BBS9: variants seen among roughly 807,000 people sequenced by gnomAD.
BBS9 encodes protein PTHB1.
A neutral mutation model predicts 117.7 loss-of-function variants in BBS9; 89 were observed. The ratio of observed to expected loss-of-function variants is 0.76; its 90% CI spans 0.64 to 0.90. The LOEUF is 0.90. Ranked by LOEUF, BBS9 falls within the 40% of genes least tolerant of loss-of-function variation. The pLI, the probability that BBS9 is intolerant of heterozygous loss-of-function variation, is 0.00. For synonymous variants in BBS9, 379 were observed against 370.9 expected (o/e 1.02, Z -0.25); for missense variants, 982 against 1,042.2 (o/e 0.94, Z 0.80).
At chr7:33,219,856 C>T (rs966684036) in intron 5 of BBS9, among the ~76,000 whole-genome samples, 1 of 152,148 alleles carries the variant, frequency 6.6e-6, no homozygotes, top group Non-Finnish European at 1.5e-5. Flanking sequence ...TGTTCTTTCG[C>T]TCTTTGCAAT....
At chr7:33,130,903 T>A (rs1237197227) in intron 1 of BBS9, among the ~76,000 whole-genome samples, 1 of 152,216 alleles carries the variant, frequency 6.6e-6, no homozygotes, top group African/African-American at 2.4e-5. Flanking sequence ...AACTTCTTGA[T>A]AGAAATGCTC....
chr7:33,610,809 T>C (rs1174973935), downstream of BBS9, among the ~76,000 whole-genome samples: 2 of 152,156 alleles, frequency 1.3e-5, no homozygotes, highest in Non-Finnish European at 2.9e-5. Flanking sequence ...TTTTCATTTT[T>C]AGTAATTAAT....
chr7:33,221,872 A>G (rs1790304013), intron 5 of BBS9, among the ~76,000 whole-genome samples: 1 of 152,010 alleles, frequency 6.6e-6, no homozygotes, highest in South Asian at 2.1e-4. Context: ...AAAATCATAT[A>G]TGTGATATGA....
At chr7:33,270,750 A>T (rs1799656594) in intron 7 of BBS9, among the ~76,000 whole-genome samples, 1 of 152,210 alleles carries the variant, frequency 6.6e-6, no homozygotes. Context: ...CATCCCTGAA[A>T]GAGATGGGGA....
chr7:33,592,800 G>A (rs980628823), intron 21 of BBS9, among the ~76,000 whole-genome samples: 11 of 152,094 alleles, frequency 7.2e-5, no homozygotes, highest in Admixed American at 3.3e-4. Flanking sequence ...GGATCATTGG[G>A]GAATGAATAG....
chr7:33,544,488 T>C (rs1852953657), intron 21 of BBS9, among the ~76,000 whole-genome samples: 2 of 152,214 alleles, frequency 1.3e-5, no homozygotes, highest in African/African-American at 4.8e-5. Context: ...ACCCAGCTAG[T>C]CTACCTGGCT....
chr7:33,526,336 T>C (rs916476604), intron 20 of BBS9, among the ~76,000 whole-genome samples: 59 of 152,318 alleles, frequency 3.9e-4, no homozygotes, highest in Non-Finnish European at 6.8e-4. Flanking sequence ...TAATATCCTG[T>C]AGAGTGTTTT....
At chr7:33,133,367 C>G (rs1264856520) in intron 1 of BBS9, among the ~76,000 whole-genome samples, 1 of 152,118 alleles carries the variant, frequency 6.6e-6, no homozygotes, top group Non-Finnish European at 1.5e-5. Context: ...TTTTTATCAA[C>G]TCAAAAAGAA....
chr7:33,333,204 C>G (rs976082323), intron 9 of BBS9, among the ~76,000 whole-genome samples: 1 of 152,052 alleles, frequency 6.6e-6, no homozygotes, highest in Non-Finnish European at 1.5e-5. Context: ...TGTCCCTCAC[C>G]CCTCTCCCAA....
At chr7:33,590,462 T>TTTTTGTTTTTGTTTG (rs1554551728) in intron 21 of BBS9, among the ~76,000 whole-genome samples, 1 of 145,238 alleles carries the variant, frequency 6.9e-6, no homozygotes, top group African/African-American at 2.6e-5. Flanking sequence ...TTTTTTTGTT[T>TTTTTGTTTTTGTTTG]TTTTTTTTTT....
intron 21 of BBS9, among the ~76,000 whole-genome samples, chr7:33,630,051 T>C (rs2129228440): frequency 7.4e-6 from 1 of 134,774 alleles, no homozygotes. Context: ...ATTGCTACTA[T>C]TTACATTTTT....
intron 7 of BBS9, among the ~76,000 whole-genome samples, chr7:33,265,782 G>T (rs1583973147): frequency 6.6e-6 from 1 of 152,252 alleles, no homozygotes; most frequent in South Asian, 2.1e-4. Context: ...GGCAGAGATT[G>T]CAGTAAGCTG....
In BBS9 at chr7:33,272,031, A is replaced by G. The variant is rs149882882; in HGVS notation, c.703-981A>G. Among the ~76,000 whole-genome samples the G allele has an allele frequency of 3.9e-5, 6 of 152,328 alleles. No homozygotes were observed. The East Asian group carries it at 1.2e-3, about 29-fold the overall frequency. Reference sequence around the variant, plus strand: ...GTAGACTGGATAAAGAAAATGTGGTACATATACACCATGGAATACTATGCA... The same window carrying G: ...GTAGACTGGATAAAGAAAATGTGGTGCATATACACCATGGAATACTATGCA... On this transcript the variant is annotated intron_variant, in intron 7 of 22. Transcript: ENST00000242067.
At chr7:33,348,438 A>C (rs1263394869) in intron 12 of BBS9, among the ~76,000 whole-genome samples, 1 of 152,140 alleles carries the variant, frequency 6.6e-6, no homozygotes, top group Non-Finnish European at 1.5e-5. Flanking sequence ...ACAATATTTC[A>C]TTGTATGAAT....
chr7:33,383,972 T>TC, intron 18 of BBS9, 134 bp downstream of exon 18: 6 of 947,228 alleles, frequency 6.3e-6, no homozygotes, highest in Non-Finnish European at 9.3e-6. Flanking sequence ...GATGGTGGAT[T>TC]TCGTGAATCC....
intron 15 of BBS9, 119 bp downstream of exon 15, chr7:33,352,992 T>G: frequency 9.6e-7 from 1 of 1,044,708 alleles, no homozygotes; most frequent in South Asian, 1.4e-5. Context: ...TAGAAGAAGT[T>G]CTTTAGGATG....
intron 4 of BBS9, among the ~76,000 whole-genome samples, chr7:33,159,529 G>A (rs1794543194): frequency 1.3e-5 from 2 of 152,184 alleles, no homozygotes; most frequent in Admixed American, 1.3e-4. Flanking sequence ...GGGACCTAGT[G>A]CATGAGTTCA....
intron 19 of BBS9, among the ~76,000 whole-genome samples, chr7:33,475,905 G>T (rs1841735112): frequency 6.6e-6 from 1 of 152,130 alleles, no homozygotes; most frequent in Non-Finnish European, 1.5e-5. Context: ...AATGGAACAA[G>T]AATACCCACC....
chr7:33,472,554 G>A (rs1171105192), intron 19 of BBS9, among the ~76,000 whole-genome samples: 1 of 152,186 alleles, frequency 6.6e-6, no homozygotes, highest in Non-Finnish European at 1.5e-5. Context: ...AGATAACATG[G>A]AGGTTAGGTA....
Sources: gnomAD v4.1 joint callset for allele counts (sites outside exome capture counted in the v4.1 genomes callset) on GRCh38, gnomAD v4.1.1 for gene constraint, MANE v1.5 for transcripts, NCBI Gene and HGNC (gene_info 2026-07-23, HGNC 2026-07-21) for gene names.